DNER: variants seen among roughly 807,000 people sequenced by gnomAD.
DNER encodes the protein delta/notch like EGF repeat containing.
A neutral mutation model predicts 78.2 loss-of-function variants in DNER; 33 were observed. The observed-to-expected ratio is 0.42, with a 90% CI of 0.32 to 0.56. The LOEUF (loss-of-function observed/expected upper bound fraction) is 0.56. Ranked by LOEUF, DNER falls within the 20% of genes least tolerant of loss-of-function variation. DNER has a pLI of 0.11. For missense variants in DNER, 918 were observed against 975.3 expected, an observed-to-expected ratio of 0.94 and a Z score of 0.78; for synonymous variants, 417 against 384.8, an observed-to-expected ratio of 1.08 and a Z score of -0.98.
chr2:229,431,807 A>T (rs1472909757), intron 8 of DNER, among the ~76,000 whole-genome samples: 1 of 152,110 alleles, frequency 6.6e-6, no homozygotes, highest in Non-Finnish European at 1.5e-5. Flanking sequence ...AAAAAGAAAA[A>T]AAAGATGTCT....
At chr2:229,482,626 G>C (rs1299031620) in intron 6 of DNER, among the ~76,000 whole-genome samples, 3 of 152,182 alleles carry the variant, frequency 2.0e-5, no homozygotes, top group Non-Finnish European at 4.4e-5. Context: ...AGAATCATGA[G>C]AGGGATGCAG....
intron 1 of DNER, among the ~76,000 whole-genome samples, chr2:229,713,906 C>T (rs972815550): frequency 6.6e-6 from 1 of 152,112 alleles, no homozygotes; most frequent in African/African-American, 2.4e-5. Flanking sequence ...AAGTGCCGAG[C>T]CCCGGAGCGG....
At chr2:229,517,631 TGAGAG>T (rs1696006720) in intron 5 of DNER, among the ~76,000 whole-genome samples, 2 of 152,162 alleles carry the variant, frequency 1.3e-5, no homozygotes, top group African/African-American at 4.8e-5. Flanking sequence ...CACTGTAACG[TGAGAG>T]GTCACTGGGC....
intron 8 of DNER, among the ~76,000 whole-genome samples, chr2:229,440,936 T>C (rs774057639): frequency 3.4e-4 from 52 of 152,318 alleles, no homozygotes; most frequent in Non-Finnish European, 5.7e-4. Flanking sequence ...TCTTTTCATC[T>C]CTTTTTGACC....
chr2:229,704,849 G>A (rs559332567), intron 1 of DNER, among the ~76,000 whole-genome samples: 1 of 152,226 alleles, frequency 6.6e-6, no homozygotes, highest in Non-Finnish European at 1.5e-5. Context: ...ATCCTTTGTA[G>A]AAGAAGCAAT....
Position 229,546,933 on chromosome 2 carries a change from A to T in DNER, c.993+14T>A, listed in dbSNP as rs1487410162. 6.2e-7 allele frequency: 1 copy of T among 1,614,004 alleles called. No homozygotes were observed. The highest frequency in any genetic ancestry group is 1.3e-5 in the African/African-American group (1 of 75,036). ...TAAATATGTGTATTTACAAGCTACC[A>T]GGCATCCCCTTACCTCTGACGGCTT... On this transcript the variant is annotated intron_variant, in intron 5 of 12. Transcript: ENST00000341772.
rs1295682365 is a variant in DNER, at chr2:229,518,967, T to TA, written c.994-6032dup. On this transcript the variant is annotated intron_variant, in intron 5 of 12. Transcript: ENST00000341772. ...ATGCGATTACTCTTTTTTTTTTTTT[T>TA]ATTTTTGATTTGGGCTGCTGTAAGC... Among the ~76,000 whole-genome samples, 1,339 of 151,572 alleles carry TA rather than the reference T, an allele frequency of 8.8e-3. 17 individuals carry two copies. The highest frequency in any genetic ancestry group is 0.031 in the African/African-American group (1,277 of 41,374).
At chr2:229,679,106 T>C (rs1338292565) in intron 1 of DNER, among the ~76,000 whole-genome samples, 1 of 152,320 alleles carries the variant, frequency 6.6e-6, no homozygotes, top group African/African-American at 2.4e-5. Context: ...GACAGAGTTA[T>C]ACCATTGTTC....
chr2:229,443,742 A>G (rs767597673), intron 8 of DNER, among the ~76,000 whole-genome samples: 17 of 152,240 alleles, frequency 1.1e-4, no homozygotes, highest in Non-Finnish European at 2.2e-4. Context: ...TTGCTGCTCC[A>G]TAGCTAGATG....
rs1237604197 is a variant in DNER at position 229,512,774 on chromosome 2, G to T, written c.1147+9C>A. 6.2e-7 allele frequency: 1 copy of T among 1,613,996 alleles called. No homozygotes were observed. Among genetic ancestry groups the T allele is most frequent in the East Asian group, 2.2e-5 (1 of 44,900 alleles). On this transcript the variant is annotated intron_variant, in intron 6 of 12. Transcript: ENST00000341772. ...CACCTAATAACTGAACCATGAGTATGTGTCGTACCAGGAAGGCAAACACAG... is the reference window on the plus strand; with the variant it reads ...CACCTAATAACTGAACCATGAGTATTTGTCGTACCAGGAAGGCAAACACAG...
intron 4 of DNER, among the ~76,000 whole-genome samples, chr2:229,557,861 A>C (rs915472991): frequency 6.6e-6 from 1 of 152,212 alleles, no homozygotes; most frequent in Non-Finnish European, 1.5e-5. Context: ...CATTTGATTC[A>C]GCAATCCATT....
Position 229,515,639 on chromosome 2 carries a change from A to ATTTTTTTT in DNER, c.994-2704_994-2703insAAAAAAAA, listed in dbSNP as rs1162899815. On this transcript the variant is annotated intron_variant, in intron 5 of 12. Transcript: ENST00000341772. ...AATCAAATATCTTCAAGTTAGCTTT[A>ATTTTTTTT]TTTTTTTATTTTTTTTTTTTTGAGA... 4.2e-5 allele frequency among the ~76,000 whole-genome samples: 3 copies of ATTTTTTTT among 71,538 alleles called. 1 individual carries two copies. Among genetic ancestry groups the ATTTTTTTT allele is most frequent in the Non-Finnish European group, 1.0e-4 (3 of 28,662 alleles). 46.9% of individuals were successfully genotyped at this position (71,538 alleles called of 152,430 possible).
intron 11 of DNER, 71 bp from the exon 12 acceptor site, chr2:229,367,190 T>A: frequency 6.3e-7 from 1 of 1,582,806 alleles, no homozygotes; most frequent in Non-Finnish European, 8.6e-7. Context: ...CTTTTTCATC[T>A]TTGCATAGAT....
chr2:229,551,867 G>A (rs1012703360), intron 4 of DNER, among the ~76,000 whole-genome samples: 38 of 152,150 alleles, frequency 2.5e-4, no homozygotes, highest in African/African-American at 8.4e-4. Flanking sequence ...GGGAGGCGGA[G>A]GTTGCAGTGA....
At chr2:229,403,212 T>C (rs1693306297) in intron 10 of DNER, among the ~76,000 whole-genome samples, 2 of 152,022 alleles carry the variant, frequency 1.3e-5, no homozygotes, top group African/African-American at 2.4e-5. Flanking sequence ...AATGAAAGAG[T>C]ATTTGATTCC....
At chr2:229,695,821 G>A (rs1216595165) in intron 1 of DNER, among the ~76,000 whole-genome samples, 1 of 152,202 alleles carries the variant, frequency 6.6e-6, no homozygotes, top group South Asian at 2.1e-4. Flanking sequence ...TGAATAGTAA[G>A]CTGAGGGTCA....
chr2:229,697,834 T>G (rs1699684790), intron 1 of DNER, among the ~76,000 whole-genome samples: 1 of 152,150 alleles, frequency 6.6e-6, no homozygotes, highest in African/African-American at 2.4e-5. Flanking sequence ...AAAGACTCCC[T>G]TTTCTAGGAA....
intron 11 of DNER, among the ~76,000 whole-genome samples, chr2:229,384,105 C>T (rs1432555237): frequency 6.6e-6 from 1 of 152,290 alleles, no homozygotes; most frequent in Non-Finnish European, 1.5e-5. Context: ...GATTAAGAAA[C>T]TCACTCAAAA....
At chr2:229,538,543 GT>G (rs372352192) in intron 5 of DNER, among the ~76,000 whole-genome samples, 1 of 150,200 alleles carries the variant, frequency 6.7e-6, no homozygotes, top group Admixed American at 6.6e-5. Flanking sequence ...TTTGTTTTTT[GT>G]TTTTTTTTAA....
Sources: gnomAD v4.1 joint callset for allele counts (sites outside exome capture counted in the v4.1 genomes callset) on GRCh38, gnomAD v4.1.1 for gene constraint, MANE v1.5 for transcripts, NCBI Gene and HGNC (gene_info 2026-07-23, HGNC 2026-07-21) for gene names.